Variants in CYP39A1 observed in about 807,000 individuals in gnomAD.
CYP39A1 encodes the protein cytochrome P450 family 39 subfamily A member 1.
In CYP39A1, 49 loss-of-function variants were observed where a neutral mutation model predicts 58.1. The ratio of observed to expected loss-of-function variants is 0.84; its 90% CI spans 0.67 to 1.07. The LOEUF is 1.07. Ranked by LOEUF, CYP39A1 falls within the 50% of genes least tolerant of loss-of-function variation. The probability of loss-of-function intolerance (pLI) is 0.00; values close to 1 mark genes in which losing one functional copy is unlikely to be tolerated. For synonymous variants in CYP39A1, 209 were observed against 187.6 expected, an observed-to-expected ratio of 1.11 and a Z score of -0.93; for missense variants, 531 against 539.4, an observed-to-expected ratio of 0.98 and a Z score of 0.16.
chr6:46,642,011 C>A, intron 2 of CYP39A1, 152 bp downstream of exon 2: 2 of 813,014 alleles, frequency 2.5e-6, no homozygotes, highest in Non-Finnish European at 3.9e-6. Context: ...ACTATTCTAC[C>A]CATAACTCTT....
chr6:46,587,978 T>C, intron 9 of CYP39A1, 56 bp downstream of exon 9: 1 of 1,071,584 alleles, frequency 9.3e-7, no homozygotes, highest in East Asian at 2.8e-5. Flanking sequence ...TTTACCCTTC[T>C]GAAATAAAAA....
chr6:46,573,190 G>A (rs1350495368), intron 10 of CYP39A1, among the ~76,000 whole-genome samples: 1 of 152,040 alleles, frequency 6.6e-6, no homozygotes, highest in Non-Finnish European at 1.5e-5. Flanking sequence ...AATTATAGTG[G>A]TCCTTTGGTG....
intron 10 of CYP39A1, among the ~76,000 whole-genome samples, chr6:46,584,981 A>T (rs1207172715): frequency 1.3e-5 from 2 of 152,142 alleles, no homozygotes; most frequent in African/African-American, 4.8e-5. Flanking sequence ...ACTCATGCTC[A>T]AAGCCCCTAT....
Position 46,591,595 on chromosome 6 carries a change from A to G in CYP39A1, c.1066-3466T>C, listed in dbSNP as rs373910154. ...CAAATTAATATTTTAACAATTTCTC[A>G]GTTTAAATTTAAAATATAGCTAATA... On this transcript the variant is annotated intron_variant, in intron 8 of 11. Coordinates refer to ENST00000275016, the MANE Select transcript of CYP39A1 (RefSeq NM_016593.5). Among the ~76,000 whole-genome samples the G allele has an allele frequency of 2.6e-5, 4 of 152,120 alleles. No individual in the cohort carries two copies. The East Asian group carries it at 7.7e-4, about 29-fold the overall frequency.
intron 1 of CYP39A1, among the ~76,000 whole-genome samples, chr6:46,648,254 A>C (rs1420083881): frequency 6.6e-6 from 1 of 152,122 alleles, no homozygotes; most frequent in Non-Finnish European, 1.5e-5. Context: ...AAAGACTTGG[A>C]ACTAACCCAA....
chr6:46,596,569 T>A (rs904472495), intron 7 of CYP39A1, among the ~76,000 whole-genome samples: 2 of 152,028 alleles, frequency 1.3e-5, no homozygotes, highest in African/African-American at 4.8e-5. Context: ...AATTGCTTTT[T>A]TTTTTCCCCC....
At chr6:46,564,183 C>CTATTT (rs1276171636) in intron 10 of CYP39A1, among the ~76,000 whole-genome samples, 172 of 82,096 alleles carry the variant, frequency 2.1e-3, no homozygotes, top group East Asian at 0.014. Flanking sequence ...CTATTTTATT[C>CTATTT]TATTTTATTT....
At chr6:46,567,630 T>C (rs1467141813) in intron 10 of CYP39A1, among the ~76,000 whole-genome samples, 2 of 152,058 alleles carry the variant, frequency 1.3e-5, no homozygotes, top group Non-Finnish European at 1.5e-5. Context: ...CACCAACACT[T>C]GTTATTTTCT....
chr6:46,563,471 C>A (rs574027603), intron 10 of CYP39A1, among the ~76,000 whole-genome samples: 1 of 151,996 alleles, frequency 6.6e-6, no homozygotes, highest in Non-Finnish European at 1.5e-5. Flanking sequence ...TTGGTACTTG[C>A]GTATTTTCTG....
intron 7 of CYP39A1, among the ~76,000 whole-genome samples, chr6:46,621,435 C>A (rs1208774861): frequency 6.6e-6 from 1 of 151,994 alleles, no homozygotes; most frequent in Non-Finnish European, 1.5e-5. Flanking sequence ...GCTACAATGA[C>A]CCAGAAGGTA....
chr6:46,652,730 C>T lies in CYP39A1; in HGVS notation c.-148G>A. On this transcript the variant is annotated 5_prime_UTR_variant, in exon 1 of 12. Coordinates refer to ENST00000275016, the MANE Select transcript of CYP39A1 (RefSeq NM_016593.5). Reference sequence around the variant, plus strand: ...TCTCCTTCGTAACTGTAGCTTCCTTCCTCTGTCCCAGTTTTCAGGTGATTT... The same window carrying T: ...TCTCCTTCGTAACTGTAGCTTCCTTTCTCTGTCCCAGTTTTCAGGTGATTT... The T allele has an allele frequency of 1.5e-6, 1 of 666,992 alleles. No homozygotes were observed. The highest frequency in any genetic ancestry group is 2.4e-6 in the Non-Finnish European group (1 of 408,278). 41.3% of individuals were successfully genotyped at this position (666,992 alleles called of 1,614,324 possible).
At chr6:46,554,164 A>G (rs1368868704) in intron 10 of CYP39A1, among the ~76,000 whole-genome samples, 1 of 152,242 alleles carries the variant, frequency 6.6e-6, no homozygotes, top group Non-Finnish European at 1.5e-5. Context: ...CATTAGATAC[A>G]AGTGGCTATT....
chr6:46,572,045 A>G (rs1397706331), intron 10 of CYP39A1, among the ~76,000 whole-genome samples: 1 of 151,984 alleles, frequency 6.6e-6, no homozygotes, highest in Admixed American at 6.6e-5. Flanking sequence ...GAAACTCTAC[A>G]TTTTACTTCT....
At chr6:46,584,814 A>G (rs1232788092) in intron 10 of CYP39A1, among the ~76,000 whole-genome samples, 1 of 152,096 alleles carries the variant, frequency 6.6e-6, no homozygotes, top group African/African-American at 2.4e-5. Flanking sequence ...TTCCCCAGGA[A>G]ATCTTCTGAG....
chr6:46,565,902 C>T lies in CYP39A1; in HGVS notation c.1251-12048G>A, dbSNP rs1419361016. Among the ~76,000 whole-genome samples, 5 of 152,176 alleles carry T rather than the reference C, an allele frequency of 3.3e-5. No individual in the cohort carries two copies. In the East Asian group the frequency reaches 9.6e-4, roughly 29 times the overall value. On this transcript the variant is annotated intron_variant, in intron 10 of 11. Coordinates refer to ENST00000275016, the MANE Select transcript of CYP39A1 (RefSeq NM_016593.5). ...TCCAGCTTGGGGAGACAGATTTGAG[C>T]ATTTCCTCCTGTATCCTTGCCAGTT...
chr6:46,586,495 G>A, intron 10 of CYP39A1: 2 of 984,076 alleles, frequency 2.0e-6, no homozygotes, highest in Non-Finnish European at 2.4e-6. Context: ...AACCTTTTCT[G>A]CTTGAACAAA....
At chr6:46,629,111 G>T (rs373292841) in intron 6 of CYP39A1, among the ~76,000 whole-genome samples, 2 of 152,150 alleles carry the variant, frequency 1.3e-5, no homozygotes, top group Non-Finnish European at 1.5e-5. Context: ...CAGGATCTCT[G>T]CCTGCTCACC....
chr6:46,590,841 T>C (rs1646593069), intron 8 of CYP39A1, among the ~76,000 whole-genome samples: 1 of 152,192 alleles, frequency 6.6e-6, no homozygotes, highest in Non-Finnish European at 1.5e-5. Context: ...GTTTTCCCTT[T>C]TTATTGTATA....
intron 7 of CYP39A1, among the ~76,000 whole-genome samples, chr6:46,601,500 ATG>A (rs1773500799): frequency 6.6e-6 from 1 of 152,154 alleles, no homozygotes. Flanking sequence ...CCTAGAGGCT[ATG>A]TGACCTTTGT....
Sources: gnomAD v4.1 joint callset for allele counts (sites outside exome capture counted in the v4.1 genomes callset) on GRCh38, gnomAD v4.1.1 for gene constraint, MANE v1.5 for transcripts, NCBI Gene and HGNC (gene_info 2026-07-23, HGNC 2026-07-21) for gene names.